Variants in PCDH11X observed in about 807,000 individuals in gnomAD.
PCDH11X encodes the protein protocadherin-11 X-linked.
In PCDH11X, 18 loss-of-function variants were observed where a neutral mutation model predicts 53.3. The ratio of observed to expected loss-of-function variants is 0.34; its 90% CI spans 0.23 to 0.50. The LOEUF (loss-of-function observed/expected upper bound fraction) is 0.50. PCDH11X is among the 20% of genes least tolerant of loss of function. PCDH11X has a pLI of 0.98. For missense variants in PCDH11X, 570 were observed against 1,032.4 expected (o/e 0.55, Z 6.14); for synonymous variants, 279 against 393.3 (o/e 0.71, Z 3.44).
At chrX:92,065,312 G>A (rs578207884) in intron 6 of PCDH11X, among the ~76,000 whole-genome samples, 47 of 109,507 alleles carry the variant, frequency 4.3e-4, no homozygotes, top group South Asian at 2.8e-3. Context: ...ATGGGAGTGC[G>A]GATATCACTT....
intron 9 of PCDH11X, among the ~76,000 whole-genome samples, chrX:92,452,485 A>G (rs2072812584): frequency 6.0e-5 from 4 of 66,718 alleles, no homozygotes; most frequent in Non-Finnish European, 5.2e-5. Flanking sequence ...ATATATATAT[A>G]TATATATATA....
intron 6 of PCDH11X, among the ~76,000 whole-genome samples, chrX:92,056,834 G>A (rs1437098913): frequency 8.2e-5 from 9 of 109,194 alleles, no homozygotes; most frequent in African/African-American, 2.6e-4. Flanking sequence ...ACACATGCAG[G>A]AATTTAATAT....
chrX:91,971,771 A>G (rs1427925930), intron 6 of PCDH11X, among the ~76,000 whole-genome samples: 2 of 111,686 alleles, frequency 1.8e-5, no homozygotes, highest in Non-Finnish European at 3.8e-5. Context: ...TTGAAAGCTT[A>G]TGTAAAACAT....
intron 6 of PCDH11X, among the ~76,000 whole-genome samples, chrX:92,132,285 C>CAAAA (rs778221916): frequency 1.1e-4 from 1 of 8,848 alleles, no homozygotes; most frequent in Non-Finnish European, 2.0e-4. Context: ...ACCTCTGTCT[C>CAAAA]AAAAAAAAAA....
At chrX:92,402,984 C>T (rs1451178523) in intron 9 of PCDH11X, among the ~76,000 whole-genome samples, 2 of 109,383 alleles carry the variant, frequency 1.8e-5, no homozygotes, top group African/African-American at 6.7e-5. Flanking sequence ...AAAGTGTGTG[C>T]GTGTGTGTAT....
chrX:92,551,467 G>A (rs1361659214), intron 10 of PCDH11X, among the ~76,000 whole-genome samples: 1 of 103,213 alleles, frequency 9.7e-6, no homozygotes, highest in Non-Finnish European at 2.0e-5. Flanking sequence ...ATTAATTTTT[G>A]TCAGATGGGT....
At chrX:91,781,209 T>C (rs1318998010) in intron 1 of PCDH11X, among the ~76,000 whole-genome samples, 3 of 112,184 alleles carry the variant, frequency 2.7e-5, no homozygotes, top group Non-Finnish European at 5.6e-5. Flanking sequence ...TGTCCTTTTC[T>C]TGTGTGGAAA....
At chrX:92,222,541 TTTG>T (rs1461694538) in intron 7 of PCDH11X, among the ~76,000 whole-genome samples, 5 of 111,820 alleles carry the variant, frequency 4.5e-5, no homozygotes, top group African/African-American at 3.3e-5. Flanking sequence ...GTAGAATTCT[TTTG>T]TTGTTGTTGT....
rs1249262957 is a variant in PCDH11X, at chrX:92,221,278, A to AATACACACACACACACACACAC, written c.3114+19824_3114+19825insTACACACACACACACACACACA. Among the ~76,000 whole-genome samples the AATACACACACACACACACACAC allele has an allele frequency of 2.3e-3, 205 of 88,027 alleles. 9 individuals are homozygous for AATACACACACACACACACACAC. Among genetic ancestry groups the AATACACACACACACACACACAC allele is most frequent in the East Asian group, 9.0e-3 (24 of 2,679 alleles). 76.4% of individuals were successfully genotyped at this position (88,027 alleles called of 115,157 possible). The stretch of plus-strand genomic sequence containing the variant: ...TTTTAAAAAAGAAAACATTGTATAC[A>AATACACACACACACACACACAC]ACACACACACACACACACACACACA... On this transcript the variant is annotated intron_variant, in intron 7 of 10. Coordinates refer to ENST00000682573, the MANE Select transcript of PCDH11X (RefSeq NM_032968.5).
At chrX:92,341,196 T>C (rs1385044337) in intron 8 of PCDH11X, among the ~76,000 whole-genome samples, 1 of 111,936 alleles carries the variant, frequency 8.9e-6, no homozygotes, top group Non-Finnish European at 1.9e-5. Flanking sequence ...CACGGCAGCC[T>C]GTACTTCATT....
At chrX:92,058,714 T>A (rs2148058965) in intron 6 of PCDH11X, among the ~76,000 whole-genome samples, 1 of 110,398 alleles carries the variant, frequency 9.1e-6, no homozygotes, top group Admixed American at 9.7e-5. Flanking sequence ...ATAATTCCAG[T>A]GCAGTAATGC....
chrX:92,463,386 T>A (rs35884080), intron 9 of PCDH11X, among the ~76,000 whole-genome samples: 10,993 of 109,891 alleles, frequency 0.1, 451 homozygotes, highest in Middle Eastern at 0.14. Flanking sequence ...CTGTTGATAC[T>A]CCCTGCAATA....
chrX:92,494,490 A>G (rs1237935144), intron 10 of PCDH11X, among the ~76,000 whole-genome samples: 1 of 110,021 alleles, frequency 9.1e-6, no homozygotes, highest in Non-Finnish European at 1.9e-5. Context: ...CTGTCATGCT[A>G]TATGTACAAA....
chrX:91,822,046 C>A (rs1602292626), intron 4 of PCDH11X, among the ~76,000 whole-genome samples: 2 of 107,455 alleles, frequency 1.9e-5, no homozygotes, highest in Admixed American at 2.0e-4. Context: ...GGTGGATAAG[C>A]TTTTTGATGT....
intron 8 of PCDH11X, among the ~76,000 whole-genome samples, chrX:92,357,346 T>A (rs1316939671): frequency 9.0e-6 from 1 of 111,642 alleles, no homozygotes; most frequent in Non-Finnish European, 1.9e-5. Context: ...ATTTCTTTAT[T>A]TCATTTAACT....
At chrX:92,080,611 G>A (rs185449417) in intron 6 of PCDH11X, among the ~76,000 whole-genome samples, 3,569 of 108,723 alleles carry the variant, frequency 0.033, 126 homozygotes, top group African/African-American at 0.096. Context: ...GCAAAATTTT[G>A]CCCCTACCTT....
chrX:92,034,674 G>A (rs2063102793), intron 6 of PCDH11X, among the ~76,000 whole-genome samples: 1 of 109,866 alleles, frequency 9.1e-6, no homozygotes, highest in South Asian at 3.9e-4. Context: ...CACATCATTG[G>A]GAATTGCTTT....
intron 8 of PCDH11X, among the ~76,000 whole-genome samples, chrX:92,368,828 G>C (rs1424686659): frequency 9.1e-6 from 1 of 109,694 alleles, no homozygotes; most frequent in Non-Finnish European, 1.9e-5. Flanking sequence ...ACCAGTGGAG[G>C]CTGTAGAACA....
chrX:92,330,145 A>G (rs1484196093), intron 8 of PCDH11X, among the ~76,000 whole-genome samples: 1 of 110,754 alleles, frequency 9.0e-6, no homozygotes, highest in Non-Finnish European at 1.9e-5. Context: ...TTTAAAAAAA[A>G]ACTTAGAATG....
Sources: gnomAD v4.1 joint callset for allele counts (sites outside exome capture counted in the v4.1 genomes callset) on GRCh38, gnomAD v4.1.1 for gene constraint, MANE v1.5 for transcripts, NCBI Gene and HGNC (gene_info 2026-07-23, HGNC 2026-07-21) for gene names.